The following ZNF385B variants were observed in gnomAD, a reference collection of about 807,000 sequenced individuals.
ZNF385B encodes the protein zinc finger protein 385B, also known as zinc finger protein 533.
ZNF385B carries 23 observed loss-of-function variants against 39.2 expected under a neutral mutation model. The ratio of observed to expected loss-of-function variants is 0.59; its 90% CI spans 0.42 to 0.83. The LOEUF (loss-of-function observed/expected upper bound fraction) is 0.83. ZNF385B is among the 40% of genes least tolerant of loss of function. The probability of loss-of-function intolerance (pLI) is 0.00; values close to 1 mark genes in which losing one functional copy is unlikely to be tolerated. For synonymous variants in ZNF385B, 205 were observed against 222.6 expected, an observed-to-expected ratio of 0.92 and a Z score of 0.70; for missense variants, 552 against 598.9, an observed-to-expected ratio of 0.92 and a Z score of 0.82.
intron 3 of ZNF385B, among the ~76,000 whole-genome samples, chr2:179,648,679 T>G (rs985752057): frequency 6.6e-6 from 1 of 152,072 alleles, no homozygotes; most frequent in Non-Finnish European, 1.5e-5. Context: ...TGAAATGTCT[T>G]ACTGTGAACA....
intron 3 of ZNF385B, among the ~76,000 whole-genome samples, chr2:179,642,926 C>G (rs568047643): frequency 6.6e-6 from 1 of 152,056 alleles, no homozygotes; most frequent in African/African-American, 2.4e-5. Context: ...GTGTATCATG[C>G]GGAAGTATCA....
At chr2:179,797,447 CCAGT>C (rs1705741127) in intron 1 of ZNF385B, among the ~76,000 whole-genome samples, 1 of 152,238 alleles carries the variant, frequency 6.6e-6, no homozygotes, top group South Asian at 2.1e-4. Flanking sequence ...CATCAAATAA[CCAGT>C]CAGTGTTTAA....
chr2:179,586,502 G>A (rs1687085150), intron 3 of ZNF385B, among the ~76,000 whole-genome samples: 1 of 152,102 alleles, frequency 6.6e-6, no homozygotes, highest in African/African-American at 2.4e-5. Flanking sequence ...ACTCGCCTAA[G>A]GTCACTCATC....
chr2:179,445,839 T>C lies in ZNF385B; in HGVS notation c.962-111A>G, dbSNP rs1010353418. 2.2e-5 allele frequency: 23 copies of C among 1,061,970 alleles called. 1 individual carries two copies. The South Asian group carries it at 4.4e-4, about 20-fold the overall frequency. The allele number at this position is 1,061,970 out of a possible 1,614,324, so 65.8% of individuals were successfully genotyped here. A position where few individuals can be genotyped will look rare whatever the true frequency, so the allele number is the denominator to read the frequency against. Reference sequence around the variant, plus strand: ...CAGGCTAAAATTCCCAATGCTTTTTTAAAAATGATCACTTTAATGCTGATT... The same window carrying C: ...CAGGCTAAAATTCCCAATGCTTTTTCAAAAATGATCACTTTAATGCTGATT... On this transcript the variant is annotated intron_variant, in intron 7 of 9. Coordinates refer to ENST00000410066, the MANE Select transcript of ZNF385B (RefSeq NM_152520.6).
intron 4 of ZNF385B, among the ~76,000 whole-genome samples, chr2:179,526,582 C>A (rs1043124980): frequency 7.3e-5 from 11 of 151,212 alleles, no homozygotes; most frequent in African/African-American, 2.4e-4. Flanking sequence ...GCAACAAGAG[C>A]GAAACTCTGT....
At chr2:179,835,124 T>C (rs1708177436) in intron 1 of ZNF385B, among the ~76,000 whole-genome samples, 1 of 152,196 alleles carries the variant, frequency 6.6e-6, no homozygotes, top group Admixed American at 6.5e-5. Flanking sequence ...AGAAGTATTG[T>C]ATTGTTAAAT....
intron 3 of ZNF385B, among the ~76,000 whole-genome samples, chr2:179,748,002 C>T (rs554816710): frequency 2.0e-5 from 3 of 152,186 alleles, no homozygotes; most frequent in South Asian, 2.1e-4. Flanking sequence ...TCTTGGATTT[C>T]GGAAATTGCA....
chr2:179,804,130 T>C (rs1359003436), intron 1 of ZNF385B, among the ~76,000 whole-genome samples: 2 of 152,240 alleles, frequency 1.3e-5, no homozygotes, highest in African/African-American at 4.8e-5. Flanking sequence ...CTTCTCTCTC[T>C]GTGTGTATCC....
intron 3 of ZNF385B, among the ~76,000 whole-genome samples, chr2:179,768,889 C>T (rs1205831265): frequency 6.6e-6 from 1 of 152,154 alleles, no homozygotes; most frequent in Non-Finnish European, 1.5e-5. Context: ...ATCCAGCCCA[C>T]AAGGAAAGGG....
At chr2:179,814,113 G>A (rs1706907123) in intron 1 of ZNF385B, 1 of 155,410 alleles carries the variant, frequency 6.4e-6, no homozygotes, top group Non-Finnish European at 1.4e-5. Context: ...AGTGTTGCTG[G>A]GGGGTTATGG....
chr2:179,679,022 C>T (rs1697241834), intron 3 of ZNF385B, among the ~76,000 whole-genome samples: 1 of 152,092 alleles, frequency 6.6e-6, no homozygotes, highest in Admixed American at 6.5e-5. Flanking sequence ...ACAAAGAACA[C>T]TTTGTATTCT....
intron 3 of ZNF385B, among the ~76,000 whole-genome samples, chr2:179,688,034 C>T (rs1157113870): frequency 6.6e-6 from 1 of 152,174 alleles, no homozygotes; most frequent in East Asian, 1.9e-4. Context: ...TTCTAATCCT[C>T]TAGCTACAAA....
At chr2:179,632,635 G>A (rs7420500) in intron 3 of ZNF385B, among the ~76,000 whole-genome samples, 57,996 of 151,906 alleles carry the variant, frequency 0.38, 11,235 homozygotes, top group African/African-American at 0.45. Context: ...CATCACAATT[G>A]AAAGAACTAG....
intron 6 of ZNF385B, among the ~76,000 whole-genome samples, chr2:179,471,582 T>A (rs987970471): frequency 6.6e-6 from 1 of 152,212 alleles, no homozygotes; most frequent in Non-Finnish European, 1.5e-5. Context: ...TCATCAGACA[T>A]TACAGTTGTC....
chr2:179,825,211 A>G (rs1303668998), intron 1 of ZNF385B, among the ~76,000 whole-genome samples: 1 of 152,210 alleles, frequency 6.6e-6, no homozygotes, highest in Admixed American at 6.5e-5. Context: ...CAATACAATC[A>G]GATTATGTCT....
Position 179,454,444 on chromosome 2 carries a change from A to G in ZNF385B, c.716-7674T>C, listed in dbSNP as rs555635378. ...GATAATAATAAATGACTGTGTTACTAGTTTATATATTTACTATACTATGCT... is the reference window on the plus strand; with the variant it reads ...GATAATAATAAATGACTGTGTTACTGGTTTATATATTTACTATACTATGCT... On this transcript the variant is annotated intron_variant, in intron 6 of 9. Coordinates refer to ENST00000410066, the MANE Select transcript of ZNF385B (RefSeq NM_152520.6). Among the ~76,000 whole-genome samples the G allele has an allele frequency of 7.9e-5, 12 of 152,338 alleles. No individual in the cohort carries two copies. The South Asian group carries it at 2.3e-3, about 29-fold the overall frequency.
intron 4 of ZNF385B, among the ~76,000 whole-genome samples, 165 bp downstream of exon 4, chr2:179,544,662 A>G (rs1390063271): frequency 1.3e-5 from 2 of 152,192 alleles, no homozygotes; most frequent in Non-Finnish European, 2.9e-5. Context: ...TGTTTGGGCT[A>G]CTCCCATGGG....
intron 3 of ZNF385B, among the ~76,000 whole-genome samples, chr2:179,687,354 T>C (rs569273419): frequency 2.6e-5 from 4 of 152,196 alleles, no homozygotes; most frequent in African/African-American, 9.6e-5. Context: ...TTTCTTCTAG[T>C]TCCAGGTCCA....
At chr2:179,652,924 G>A (rs1167882536) in intron 3 of ZNF385B, among the ~76,000 whole-genome samples, 1 of 151,602 alleles carries the variant, frequency 6.6e-6, no homozygotes, top group Non-Finnish European at 1.5e-5. Context: ...GTTTAGGCAG[G>A]GAAAAAAAAA....
Sources: gnomAD v4.1 joint callset for allele counts (sites outside exome capture counted in the v4.1 genomes callset) on GRCh38, gnomAD v4.1.1 for gene constraint, MANE v1.5 for transcripts, NCBI Gene and HGNC (gene_info 2026-07-23, HGNC 2026-07-21) for gene names.